The following MAST4 variants were observed in gnomAD, a reference collection of about 807,000 sequenced individuals.
The protein encoded by MAST4 is microtubule associated serine/threonine kinase family member 4.
In MAST4, 89 loss-of-function variants were observed where a neutral mutation model predicts 162.7. That is an observed-to-expected ratio of 0.55 (90% CI 0.46 to 0.65). MAST4 has a LOEUF of 0.65. Ranked by LOEUF, MAST4 falls within the 30% of genes least tolerant of loss-of-function variation. MAST4 has a pLI of 0.00. For missense variants in MAST4, 3,153 were observed against 3,374.0 expected (o/e 0.93, Z 1.62); for synonymous variants, 1,479 against 1,361.1 (o/e 1.09, Z -1.91).
chr5:66,613,972 AG>A (rs1579991238), intron 1 of MAST4, among the ~76,000 whole-genome samples: 1 of 152,340 alleles, frequency 6.6e-6, no homozygotes, highest in East Asian at 1.9e-4. Flanking sequence ...TGCTCCCAAA[AG>A]CCATGCAAAT....
chr5:67,079,671 CAT>C (rs553364242), intron 5 of MAST4, among the ~76,000 whole-genome samples: 10 of 152,134 alleles, frequency 6.6e-5, no homozygotes, highest in Admixed American at 2.0e-4. Flanking sequence ...AAAATTAAAA[CAT>C]GTAAAAATGT....
At chr5:67,129,739 A>G (rs1561692523) in intron 14 of MAST4, among the ~76,000 whole-genome samples, 1 of 946 alleles carries the variant, frequency 1.1e-3, no homozygotes, top group East Asian at 0.013. Flanking sequence ...AAAAAAAGAA[A>G]AAGGAAAAAA....
At chr5:66,855,835 C>T (rs78049443) in intron 3 of MAST4, among the ~76,000 whole-genome samples, 2,197 of 152,164 alleles carry the variant, frequency 0.014, 52 homozygotes, top group African/African-American at 0.049. Flanking sequence ...TGGAGAATGC[C>T]TGGGGCAGAA....
At chr5:66,624,245 C>T (rs148113520) in intron 1 of MAST4, among the ~76,000 whole-genome samples, 16,035 of 147,234 alleles carry the variant, frequency 0.11, 1,039 homozygotes, top group Middle Eastern at 0.16. Context: ...CTCTGCCTCC[C>T]GGTTTCATGC....
intron 12 of MAST4, among the ~76,000 whole-genome samples, chr5:67,117,466 A>C (rs1422049653): frequency 6.6e-6 from 1 of 152,126 alleles, no homozygotes; most frequent in Non-Finnish European, 1.5e-5. Context: ...AGGGATTATC[A>C]CATTTATAAG....
At chr5:66,966,877 C>CA (rs1326121319) in intron 4 of MAST4, among the ~76,000 whole-genome samples, 3 of 152,022 alleles carry the variant, frequency 2.0e-5, no homozygotes, top group African/African-American at 7.2e-5. Flanking sequence ...ACTTGAACCC[C>CA]AAAAAACAGA....
chr5:67,116,457 C>T (rs545864872), intron 12 of MAST4, among the ~76,000 whole-genome samples: 20 of 151,382 alleles, frequency 1.3e-4, no homozygotes, highest in Admixed American at 3.9e-4. Flanking sequence ...CTGTCTGCCT[C>T]GGCCTCCCAA....
rs557582333 is a variant in MAST4, at chr5:66,841,560, C to T, written c.642+52766C>T. Among the ~76,000 whole-genome samples the T allele has an allele frequency of 4.9e-4, 74 of 152,272 alleles. 2 individuals are homozygous for T. The South Asian group carries it at 0.014, about 29-fold the overall frequency. On this transcript the variant is annotated intron_variant, in intron 3 of 28. Coordinates refer to ENST00000403625, the MANE Select transcript of MAST4 (RefSeq NM_001164664.2). The stretch of plus-strand genomic sequence containing the variant: ...GAGGGCTCTCTTCCTGGTTTGCAGA[C>T]AGTTGCCTTCTTGCTATATGGTGAG...
intron 4 of MAST4, among the ~76,000 whole-genome samples, chr5:66,943,892 T>C (rs1293318709): frequency 6.6e-6 from 1 of 152,138 alleles, no homozygotes; most frequent in Non-Finnish European, 1.5e-5. Flanking sequence ...AGGTGTGTTT[T>C]GTATTCACTG....
chr5:67,093,748 A>C (rs1020157397), intron 6 of MAST4: 15 of 388,314 alleles, frequency 3.9e-5, no homozygotes, highest in Admixed American at 1.3e-4. Context: ...AATGCATCAC[A>C]AAACAAAATC....
At chr5:67,068,032 G>A (rs902677696) in intron 5 of MAST4, among the ~76,000 whole-genome samples, 2 of 152,130 alleles carry the variant, frequency 1.3e-5, no homozygotes, top group African/African-American at 4.8e-5. Context: ...CCCAGCTCTG[G>A]AGCTCTGCTC....
Position 67,090,492 on chromosome 5 carries a change from T to C in MAST4, c.833+261T>C, listed in dbSNP as rs1763744332. 1.5e-5 allele frequency among the ~76,000 whole-genome samples: 2 copies of C among 135,072 alleles called. 1 individual carries two copies. The highest frequency in any genetic ancestry group is 7.2e-3 in the Middle Eastern group (2 of 278). 88.6% of individuals were successfully genotyped at this position (135,072 alleles called of 152,430 possible). A position where few individuals can be genotyped will look rare whatever the true frequency, so the allele number is the denominator to read the frequency against. The stretch of plus-strand genomic sequence containing the variant: ...TCCCCCTCCCCTGCTCCATGCCTTG[T>C]GAGGTCCTGCTCATTATTCTGTAAG... On this transcript the variant is annotated intron_variant, in intron 6 of 28. Transcript: ENST00000403625.
At chr5:67,033,315 CTGTGTGTGTGTGTG>C (rs146627241) in intron 4 of MAST4, among the ~76,000 whole-genome samples, 21 of 125,990 alleles carry the variant, frequency 1.7e-4, no homozygotes, top group Middle Eastern at 4.3e-3. Flanking sequence ...TTTCATTTCT[CTGTGTGTGTGTGTG>C]TGTGTGTGTG....
intron 4 of MAST4, among the ~76,000 whole-genome samples, chr5:67,031,025 A>G (rs970522720): frequency 1.3e-5 from 2 of 152,190 alleles, no homozygotes; most frequent in African/African-American, 4.8e-5. Context: ...TGTAAAAAGT[A>G]AAATTGATGT....
At chr5:66,866,299 A>G (rs1760515956) in intron 3 of MAST4, among the ~76,000 whole-genome samples, 1 of 152,198 alleles carries the variant, frequency 6.6e-6, no homozygotes, top group South Asian at 2.1e-4. Context: ...TGGAGATGAG[A>G]GAAAATGATC....
At chr5:67,111,265 T>TACAC (rs902681484) in intron 11 of MAST4, among the ~76,000 whole-genome samples, 6 of 152,222 alleles carry the variant, frequency 3.9e-5, no homozygotes, top group African/African-American at 1.4e-4. Context: ...TTTTCAGAAA[T>TACAC]ACACACATAC....
chr5:67,033,668 C>G (rs1173732581), intron 4 of MAST4, among the ~76,000 whole-genome samples: 3 of 152,034 alleles, frequency 2.0e-5, no homozygotes, highest in Non-Finnish European at 2.9e-5. Flanking sequence ...ATATGATAAG[C>G]TGATTAACTT....
chr5:67,086,521 A>G (rs1424280237), intron 5 of MAST4, among the ~76,000 whole-genome samples: 1 of 152,176 alleles, frequency 6.6e-6, no homozygotes, highest in Non-Finnish European at 1.5e-5. Context: ...TCATGGAGTT[A>G]ATTACCTACC....
At chr5:66,652,077 T>C (rs1053538960) in intron 1 of MAST4, among the ~76,000 whole-genome samples, 20 of 152,200 alleles carry the variant, frequency 1.3e-4, no homozygotes, top group African/African-American at 4.8e-4. Flanking sequence ...GTGGTGATTA[T>C]TGGGGGCCAT....
Sources: allele counts gnomAD v4.1 joint callset (sites outside exome capture counted in the v4.1 genomes callset), GRCh38; gene constraint gnomAD v4.1.1; transcripts MANE v1.5; gene names NCBI Gene and HGNC (gene_info 2026-07-23, HGNC 2026-07-21).